Variants in PCYT1B observed in about 807,000 individuals in gnomAD.
The protein encoded by PCYT1B is choline-phosphate cytidylyltransferase B.
PCYT1B carries 10 observed loss-of-function variants against 26.4 expected under a neutral mutation model. That is an observed-to-expected ratio of 0.38 (90% CI 0.23 to 0.64). PCYT1B has a LOEUF of 0.64. PCYT1B is among the 30% of genes least tolerant of loss of function. The pLI is 0.56. For missense variants in PCYT1B, 161 were observed against 292.7 expected (o/e 0.55, Z 3.28); for synonymous variants, 131 against 108.4 (o/e 1.21, Z -1.29).
chrX:24,647,996 T>A (rs1926682560), upstream of PCYT1B, among the ~76,000 whole-genome samples: 1 of 112,390 alleles, frequency 8.9e-6, no homozygotes, highest in African/African-American at 3.2e-5. Flanking sequence ...TATTCAAAGT[T>A]TCCTCAAGAA....
chrX:24,635,418 A>G (rs1314303810), intron 1 of PCYT1B, among the ~76,000 whole-genome samples: 1 of 112,422 alleles, frequency 8.9e-6, no homozygotes, highest in Non-Finnish European at 1.9e-5. Flanking sequence ...GCAGTGTGGG[A>G]GGTTTGCAAT....
chrX:24,668,507 C>G (rs1447828063), intron 1 of PCYT1B, among the ~76,000 whole-genome samples: 1 of 111,232 alleles, frequency 9.0e-6, no homozygotes, highest in African/African-American at 3.3e-5. Context: ...AGTCAATCAG[C>G]AGATATTTAT....
intron 1 of PCYT1B, among the ~76,000 whole-genome samples, chrX:24,668,541 A>G (rs762990968): frequency 9.0e-6 from 1 of 111,257 alleles, no homozygotes; most frequent in Non-Finnish European, 1.9e-5. Context: ...CATACCAGGC[A>G]CTGTGCAGAG....
At chrX:24,593,511 T>TTTTC (rs1350433301) in intron 3 of PCYT1B, among the ~76,000 whole-genome samples, 11 of 84,556 alleles carry the variant, frequency 1.3e-4, no homozygotes, top group East Asian at 3.6e-4. Flanking sequence ...TTTTCTTTTC[T>TTTTC]TTTCTTTCTT....
intron 2 of PCYT1B, among the ~76,000 whole-genome samples, chrX:24,615,528 G>A (rs1413575269): frequency 9.3e-6 from 1 of 107,942 alleles, no homozygotes; most frequent in Non-Finnish European, 1.9e-5. Context: ...GCAGCGGCTC[G>A]ATCTCAGCTC....
chrX:24,661,399 C>T (rs1268651812), intron 1 of PCYT1B, among the ~76,000 whole-genome samples: 1 of 112,023 alleles, frequency 8.9e-6, no homozygotes, highest in Non-Finnish European at 1.9e-5. Context: ...CACTTTATAA[C>T]CCCTAAGGAA....
chrX:24,592,911 C>CT (rs1484219721), intron 3 of PCYT1B, among the ~76,000 whole-genome samples: 3 of 111,868 alleles, frequency 2.7e-5, no homozygotes, highest in African/African-American at 9.7e-5. Context: ...CTACCCTCTT[C>CT]TTTTTTTGTT....
At chrX:24,657,430 T>C (rs1926945336) in intron 1 of PCYT1B, among the ~76,000 whole-genome samples, 1 of 112,483 alleles carries the variant, frequency 8.9e-6, no homozygotes, top group African/African-American at 3.2e-5. Flanking sequence ...AGTAAGACCA[T>C]AGGTAATTTT....
chrX:24,598,468 G>GAATT (rs1241677149), intron 3 of PCYT1B, among the ~76,000 whole-genome samples: 1 of 107,122 alleles, frequency 9.3e-6, no homozygotes, highest in Non-Finnish European at 1.9e-5. Flanking sequence ...GCAAACACTA[G>GAATT]AATTTGATAT....
chrX:24,559,811 G>A lies in PCYT1B; in HGVS notation c.*2482C>T, dbSNP rs1166656497. On this transcript the variant is annotated 3_prime_UTR_variant, in exon 8 of 8. Transcript: ENST00000379144. ...TGGTGTGGGGGTAGGGGCTGGGAGA[G>A]ACTGAGAGATGGCCAAAAAGTATCA... 1 of 111,684 alleles carries A rather than the reference G, an allele frequency of 9.0e-6. No individual in the cohort carries two copies. Among genetic ancestry groups the A allele is most frequent in the East Asian group, 2.8e-4 (1 of 3,567 alleles). 9.2% of individuals were successfully genotyped at this position (111,684 alleles called of 1,213,427 possible). A position where few individuals can be genotyped will look rare whatever the true frequency, so the allele number is the denominator to read the frequency against.
chrX:24,609,763 C>T lies in PCYT1B; in HGVS notation c.218-1902G>A, dbSNP rs190688611. Among the ~76,000 whole-genome samples the T allele has an allele frequency of 2.8e-3, 312 of 111,018 alleles. 5 individuals carry two copies. The highest frequency in any genetic ancestry group is 0.027 in the Admixed American group (278 of 10,379). ...GGGTGAAGAAGGTGGAGAAAGGGACCGCTAGTTTTCTTTATAAGCTGGGAG... is the reference window on the plus strand; with the variant it reads ...GGGTGAAGAAGGTGGAGAAAGGGACTGCTAGTTTTCTTTATAAGCTGGGAG... On this transcript the variant is annotated intron_variant, in intron 2 of 7. Coordinates refer to ENST00000379144, the MANE Select transcript of PCYT1B (RefSeq NM_004845.5).
intron 1 of PCYT1B, chrX:24,658,017 T>C (rs1247713322): frequency 9.0e-6 from 1 of 111,465 alleles, no homozygotes; most frequent in Admixed American, 9.6e-5. Context: ...CATAACCAGA[T>C]TTCCTCCTTG....
At chrX:24,652,330 G>A (rs760557273), upstream of PCYT1B, among the ~76,000 whole-genome samples, 2 of 112,017 alleles carry the variant, frequency 1.8e-5, no homozygotes, top group African/African-American at 3.2e-5. Flanking sequence ...AGGCCAAGGC[G>A]GGCGGATCAC....
intron 1 of PCYT1B, among the ~76,000 whole-genome samples, chrX:24,634,134 G>T (rs1368242602): frequency 2.7e-5 from 3 of 111,156 alleles, no homozygotes; most frequent in Non-Finnish European, 5.7e-5. Flanking sequence ...GCCCAGGATG[G>T]TCTGGAACTC....
intron 3 of PCYT1B, among the ~76,000 whole-genome samples, chrX:24,601,417 C>T (rs1020951052): frequency 9.3e-6 from 1 of 108,041 alleles, no homozygotes; most frequent in Non-Finnish European, 1.9e-5. Flanking sequence ...TGCTTGAACC[C>T]GGGAGGCAGA....
intron 1 of PCYT1B, among the ~76,000 whole-genome samples, chrX:24,640,918 C>T (rs912001881): frequency 9.0e-6 from 1 of 111,466 alleles, no homozygotes; most frequent in African/African-American, 3.3e-5. Flanking sequence ...AGCCAGAAAA[C>T]AAACTGTGCC....
At chrX:24,647,927 A>G (rs1384648645), upstream of PCYT1B, among the ~76,000 whole-genome samples, 2 of 110,747 alleles carry the variant, frequency 1.8e-5, no homozygotes, top group African/African-American at 6.6e-5. Context: ...CCTGCCTCCT[A>G]CTCCTGGCTG....
At chrX:24,655,451 T>A (rs751796352) in intron 1 of PCYT1B, among the ~76,000 whole-genome samples, 1 of 112,493 alleles carries the variant, frequency 8.9e-6, no homozygotes, top group South Asian at 3.7e-4. Flanking sequence ...GGATTTGGAC[T>A]CATTTTAAAT....
At chrX:24,570,752 G>A (rs1923798809) in intron 7 of PCYT1B, among the ~76,000 whole-genome samples, 2 of 111,815 alleles carry the variant, frequency 1.8e-5, no homozygotes, top group South Asian at 3.8e-4. Flanking sequence ...TGCTGAGAAA[G>A]CCTAGAGACA....
Sources: allele counts gnomAD v4.1 joint callset (sites outside exome capture counted in the v4.1 genomes callset), GRCh38; gene constraint gnomAD v4.1.1; transcripts MANE v1.5; gene names NCBI Gene and HGNC (gene_info 2026-07-23, HGNC 2026-07-21).